Variants in ZFYVE16 observed in about 807,000 individuals in gnomAD.
ZFYVE16 encodes zinc finger FYVE-type containing 16.
A neutral mutation model predicts 138.1 loss-of-function variants in ZFYVE16; 89 were observed. The observed-to-expected ratio is 0.64, with a 90% CI of 0.54 to 0.77. The LOEUF is 0.77. ZFYVE16 is among the 30% of genes least tolerant of loss of function. The pLI is 0.00. For synonymous variants in ZFYVE16, 596 were observed against 618.3 expected, an observed-to-expected ratio of 0.96 and a Z score of 0.53; for missense variants, 1,793 against 1,786.7, an observed-to-expected ratio of 1.00 and a Z score of -0.06.
At chr5:80,441,697 A>G (rs1430038719) in intron 5 of ZFYVE16, 3 of 985,400 alleles carry the variant, frequency 3.0e-6, no homozygotes, top group East Asian at 2.3e-4. Context: ...GTGAATATCA[A>G]TAAGTAGATT....
At chr5:80,435,717 C>T (rs1450364094) in intron 3 of ZFYVE16, 9 of 435,852 alleles carry the variant, frequency 2.1e-5, no homozygotes, top group East Asian at 7.9e-5. Context: ...CACAAGTGTG[C>T]GCCAGCATGC....
At chr5:80,444,382 T>C (rs1300512481) in intron 6 of ZFYVE16, among the ~76,000 whole-genome samples, 3 of 151,926 alleles carry the variant, frequency 2.0e-5, no homozygotes, top group Non-Finnish European at 4.4e-5. Context: ...GCAAAAAATA[T>C]GTATATATAA....
At chr5:80,415,825 A>G (rs1010161389) in intron 1 of ZFYVE16, among the ~76,000 whole-genome samples, 1 of 151,436 alleles carries the variant, frequency 6.6e-6, no homozygotes, top group East Asian at 1.9e-4. Context: ...GTGCCACCAC[A>G]CCCGGCTAAT....
chr5:80,434,296 T>C, intron 3 of ZFYVE16, 79 bp downstream of exon 3: 1 of 1,424,492 alleles, frequency 7.0e-7, no homozygotes, highest in Non-Finnish European at 9.7e-7. Flanking sequence ...TACAGTAATA[T>C]TAGCAAAATT....
intron 2 of ZFYVE16, among the ~76,000 whole-genome samples, chr5:80,430,871 C>T (rs1374673414): frequency 6.6e-6 from 1 of 152,186 alleles, no homozygotes; most frequent in Non-Finnish European, 1.5e-5. Flanking sequence ...CATATACACC[C>T]TCCCAGGACT....
At chr5:80,470,969 T>A (rs1198764786) in intron 15 of ZFYVE16, among the ~76,000 whole-genome samples, 2 of 152,010 alleles carry the variant, frequency 1.3e-5, no homozygotes, top group East Asian at 1.9e-4. Flanking sequence ...ACTACCAGAA[T>A]GAGCCAACAG....
chr5:80,441,745 A>G (rs894050841), intron 5 of ZFYVE16: 1 of 985,450 alleles, frequency 1.0e-6, no homozygotes, highest in Non-Finnish European at 1.2e-6. Context: ...TCCAGAGTAA[A>G]GTGTTTGGAT....
intron 1 of ZFYVE16, among the ~76,000 whole-genome samples, 191 bp downstream of exon 1, chr5:80,408,344 A>G (rs1744913444): frequency 6.6e-6 from 1 of 152,178 alleles, no homozygotes; most frequent in Non-Finnish European, 1.5e-5. Flanking sequence ...TGGCCCTCCA[A>G]TCTGATGTCC....
At chr5:80,445,913 T>TA (rs1393955201) in intron 7 of ZFYVE16, among the ~76,000 whole-genome samples, 1 of 148,500 alleles carries the variant, frequency 6.7e-6, no homozygotes, top group African/African-American at 2.5e-5. Flanking sequence ...TTTTTTTTTT[T>TA]TTTTGAGATG....
Position 80,447,595 on chromosome 5 carries a change from G to A in ZFYVE16, c.2725-431G>A, listed in dbSNP as rs145872714. Among the ~76,000 whole-genome samples the A allele has an allele frequency of 9.3e-3, 1,413 of 152,220 alleles. 13 individuals are homozygous for A. Among genetic ancestry groups the A allele is most frequent in the Non-Finnish European group, 0.014 (981 of 67,998 alleles). On this transcript the variant is annotated intron_variant, in intron 7 of 18. Transcript: ENST00000505560. ...GTTACTCTTGTGGAATATAGCTAAC[G>A]CACTGCTTCCTAACCACTCCCCTCC...
chr5:80,462,921 T>C (rs780089655), intron 15 of ZFYVE16, among the ~76,000 whole-genome samples: 6 of 152,230 alleles, frequency 3.9e-5, no homozygotes, highest in African/African-American at 7.2e-5. Context: ...CTCCTTTGAC[T>C]CCATGTCTCA....
chr5:80,451,596 T>C lies in ZFYVE16; in HGVS notation c.3494T>C (p.Leu1165Pro). 1.9e-6 allele frequency: 3 copies of C among 1,613,848 alleles called. No homozygotes were observed. Among genetic ancestry groups the C allele is most frequent in the Non-Finnish European group, 2.5e-6 (3 of 1,179,830 alleles). ...CCTACTTTTCAGAAACTTGATGATC[T>C]CTCATTACCAAGTAATCCTTTTCTT... Reference protein sequence around the residue: ...ITPTFQKLDDLSLPSNPFLCG... With the variant: ...ITPTFQKLDDPSLPSNPFLCG... Residue 1165 changes from leucine (L) to proline (P), a missense_variant, in exon 11 of 19, where the codon CTC becomes CCC. Leu to Pro is a moderately conservative substitution (Grantham distance 98). This residue lies in a region of ZFYVE16 where 498 missense variants were observed against 582.4 expected (regional missense o/e 0.86). Coordinates refer to ENST00000505560, the MANE Select transcript of ZFYVE16 (RefSeq NM_001284236.3).
At chr5:80,428,410 G>A (rs1748465089) in intron 2 of ZFYVE16, among the ~76,000 whole-genome samples, 1 of 152,142 alleles carries the variant, frequency 6.6e-6, no homozygotes, top group Admixed American at 6.5e-5. Context: ...CTGTTAGAAG[G>A]AAAACTAACA....
intron 15 of ZFYVE16, among the ~76,000 whole-genome samples, chr5:80,470,046 TGTGTGTGTGTATATATAC>T (rs1426820023): frequency 6.6e-6 from 1 of 150,596 alleles, no homozygotes; most frequent in African/African-American, 2.4e-5. Flanking sequence ...TATATATATG[TGTGTGTGTGTATATATAC>T]GTGTGTGTGT....
chr5:80,412,174 C>T (rs1745549241), intron 1 of ZFYVE16, among the ~76,000 whole-genome samples: 1 of 152,150 alleles, frequency 6.6e-6, no homozygotes, highest in Non-Finnish European at 1.5e-5. Flanking sequence ...TTACCTTAAC[C>T]ATTTTAGGTG....
chr5:80,425,370 G>C (rs574049100), intron 1 of ZFYVE16, among the ~76,000 whole-genome samples: 2 of 152,188 alleles, frequency 1.3e-5, no homozygotes, highest in East Asian at 3.9e-4. Context: ...GATGTCCTTA[G>C]TTGATGGCAC....
chr5:80,461,751 G>A (rs1753141148), intron 15 of ZFYVE16, among the ~76,000 whole-genome samples: 1 of 152,080 alleles, frequency 6.6e-6, no homozygotes, highest in South Asian at 2.1e-4. Context: ...TGAGGCAGGT[G>A]GATCATTTGA....
intron 1 of ZFYVE16, among the ~76,000 whole-genome samples, chr5:80,420,974 T>G (rs1220217124): frequency 3.3e-5 from 5 of 152,244 alleles, no homozygotes; most frequent in Non-Finnish European, 7.3e-5. Flanking sequence ...CCTGACTTTT[T>G]AATGATCGCC....
Position 80,477,267 on chromosome 5 carries a change from C to A in ZFYVE16, c.4510C>A (p.Leu1504Ile), listed in dbSNP as rs899005915. The part of the protein sequence containing the change: ...SEGQLLPQHY[L>I]NDLDSALIPV... The stretch of plus-strand genomic sequence containing the variant: ...AGGCCAACTTCTGCCTCAGCATTAT[C>A]TAAATGATCTTGATAGTGCTCTGAT... The change falls in exon 19 of 19, where the codon CTA becomes ATA. Residue 1504 changes from leucine to isoleucine, a missense_variant. By Grantham distance (5) the Leu-to-Ile change is conservative. Around this residue, in one of 2 missense-constraint regions of ZFYVE16, gnomAD observed 498 missense variants for 582.4 expected, o/e 0.86. Coordinates refer to ENST00000505560, the MANE Select transcript of ZFYVE16 (RefSeq NM_001284236.3). 2.3e-5 allele frequency: 37 copies of A among 1,606,916 alleles called. No homozygotes were observed. The highest frequency in any genetic ancestry group is 3.0e-5 in the Non-Finnish European group (35 of 1,178,024).
Sources: gnomAD v4.1 joint callset for allele counts (sites outside exome capture counted in the v4.1 genomes callset) on GRCh38, gnomAD v4.1.1 for gene constraint, gnomAD v4.1.1 regional missense constraint, MANE v1.5 for transcripts, NCBI Gene and HGNC (gene_info 2026-07-23, HGNC 2026-07-21) for gene names.